The following ZNF236 variants were observed in gnomAD, a reference collection of about 807,000 sequenced individuals.
The protein encoded by ZNF236 is zinc finger protein 236, also known as regulated by glucose.
Under a neutral mutation model 191.2 loss-of-function variants are expected in ZNF236, and 50 were observed. The observed-to-expected ratio is 0.26, with a 90% CI of 0.21 to 0.33. ZNF236 has a LOEUF of 0.33. Ranked by LOEUF, ZNF236 falls within the 10% of genes least tolerant of loss-of-function variation. The probability of loss-of-function intolerance (pLI) is 1.00; values close to 1 mark genes in which losing one functional copy is unlikely to be tolerated. For missense variants in ZNF236, 1,754 were observed against 2,374.5 expected, an observed-to-expected ratio of 0.74 and a Z score of 5.43; for synonymous variants, 907 against 928.8, an observed-to-expected ratio of 0.98 and a Z score of 0.43.
chr18:76,894,296 G>A (rs1267472427), intron 9 of ZNF236, among the ~76,000 whole-genome samples: 3 of 152,168 alleles, frequency 2.0e-5, no homozygotes, highest in Admixed American at 1.3e-4. Context: ...AGGGAGACAC[G>A]GGTCATCCCT....
At chr18:76,834,589 G>A (rs778846973) in intron 1 of ZNF236, 119 of 468,612 alleles carry the variant, frequency 2.5e-4, no homozygotes, top group Non-Finnish European at 4.4e-4. Flanking sequence ...GTGCACAGTT[G>A]GGGTGAATGC....
At chr18:76,876,650 A>C (rs1346331539) in intron 6 of ZNF236, among the ~76,000 whole-genome samples, 1 of 152,252 alleles carries the variant, frequency 6.6e-6, no homozygotes, top group African/African-American at 2.4e-5. Context: ...CAGAGACATT[A>C]GGAAGGCATG....
At chr18:76,902,342 G>A (rs1425730885) in intron 11 of ZNF236, among the ~76,000 whole-genome samples, 1 of 152,204 alleles carries the variant, frequency 6.6e-6, no homozygotes, top group Non-Finnish European at 1.5e-5. Context: ...ATGGTAAGGA[G>A]AGGATTAGCA....
chr18:76,943,147 A>G (rs1052949653), intron 26 of ZNF236, among the ~76,000 whole-genome samples: 5 of 147,792 alleles, frequency 3.4e-5, no homozygotes, highest in Admixed American at 2.0e-4. Context: ...AAAAAAGAAG[A>G]GCAAATTTGA....
chr18:76,898,795 G>A (rs889004337), intron 10 of ZNF236, among the ~76,000 whole-genome samples: 1 of 152,044 alleles, frequency 6.6e-6, no homozygotes, highest in African/African-American at 2.4e-5. Context: ...AATACTAAAT[G>A]TTCTTTTTTT....
intron 27 of ZNF236, among the ~76,000 whole-genome samples, chr18:76,950,494 C>T (rs558761646): frequency 6.6e-6 from 1 of 152,004 alleles, no homozygotes; most frequent in African/African-American, 2.4e-5. Flanking sequence ...CTTATCTGCT[C>T]AGTTATATAT....
chr18:76,881,574 A>G (rs575385317), intron 9 of ZNF236, 62 bp downstream of exon 9: 9 of 1,430,574 alleles, frequency 6.3e-6, no homozygotes, highest in Non-Finnish European at 7.6e-6. Flanking sequence ...TTTTTAAGAA[A>G]TGTGCCCTTC....
In ZNF236 at chr18:76,881,192, T is replaced by A. The variant is rs1976882099; in HGVS notation, c.1189-92T>A. On this transcript the variant is annotated intron_variant, in intron 8 of 30. Coordinates refer to ENST00000320610, the MANE Select transcript of ZNF236 (RefSeq NM_001306089.2). Reference sequence around the variant, plus strand: ...TAGATTCTTATTTCTTGGAGTGGAATTAGAATTCTATAGGTAAAGCTTTTG... The same window carrying A: ...TAGATTCTTATTTCTTGGAGTGGAAATAGAATTCTATAGGTAAAGCTTTTG... The A allele has an allele frequency of 1.3e-5, 14 of 1,105,472 alleles. No homozygotes were observed. In the Admixed American group the frequency reaches 3.8e-4, roughly 30 times the overall value. 68.5% of individuals were successfully genotyped at this position (1,105,472 alleles called of 1,614,324 possible). A position where few individuals can be genotyped will look rare whatever the true frequency, so the allele number is the denominator to read the frequency against.
intron 3 of ZNF236, among the ~76,000 whole-genome samples, chr18:76,865,285 TGAGATCA>T (rs965581046): frequency 3.9e-5 from 6 of 152,024 alleles, no homozygotes; most frequent in Non-Finnish European, 7.4e-5. Flanking sequence ...TGCAGTGAGC[TGAGATCA>T]TGCCATTGCA....
Position 76,971,026 on chromosome 18 carries a change from C to T in ZNF236, c.*2687C>T, listed in dbSNP as rs760135091. Among the ~76,000 whole-genome samples, 1 of 152,226 alleles carries T rather than the reference C, an allele frequency of 6.6e-6. No homozygotes were observed. Among genetic ancestry groups the T allele is most frequent in the Non-Finnish European group, 1.5e-5 (1 of 68,038 alleles). On this transcript the variant is annotated 3_prime_UTR_variant, in exon 31 of 31. Coordinates refer to ENST00000320610, the MANE Select transcript of ZNF236 (RefSeq NM_001306089.2). ...CAACGGCACCCAGTCATTGAGGAAC[C>T]TTTTGAAAGTTCCTAAGTGTTTTGA...
At chr18:76,837,127 T>TCCCCCCCCCCCCCCCCCCCCCCC (rs57114708) in intron 1 of ZNF236, among the ~76,000 whole-genome samples, 1 of 37,066 alleles carries the variant, frequency 2.7e-5, no homozygotes, top group African/African-American at 1.1e-4. Context: ...CCGCACCCCC[T>TCCCCCCCCCCCCCCCCCCCCCCC]CCCCCCCCCC....
In ZNF236 at chr18:76,953,178, G is replaced by T. The variant is rs79581973; in HGVS notation, c.4915-2807G>T. On this transcript the variant is annotated intron_variant, in intron 27 of 30. Transcript: ENST00000320610. Reference sequence around the variant, plus strand: ...TTACTCAGCCTGTCTTTACTAAAACGAATGAACTAATTTCTGCCTGACCCT... The same window carrying T: ...TTACTCAGCCTGTCTTTACTAAAACTAATGAACTAATTTCTGCCTGACCCT... 6.6e-3 allele frequency among the ~76,000 whole-genome samples: 1,001 copies of T among 152,250 alleles called. 29 individuals are homozygous for T. Among genetic ancestry groups the T allele is most frequent in the East Asian group, 0.065 (338 of 5,182 alleles).
At chr18:76,947,312 G>A (rs1437166978) in intron 26 of ZNF236, among the ~76,000 whole-genome samples, 1 of 152,008 alleles carries the variant, frequency 6.6e-6, no homozygotes, top group African/African-American at 2.4e-5. Context: ...TCCATTTTTT[G>A]GCTATGGGTA....
chr18:76,895,756 C>T (rs920142355), intron 10 of ZNF236, among the ~76,000 whole-genome samples: 4 of 151,474 alleles, frequency 2.6e-5, no homozygotes, highest in Admixed American at 6.6e-5. Flanking sequence ...CAGGCATTGC[C>T]CAAAAGTACC....
chr18:76,832,435 G>A (rs1483897549), intron 1 of ZNF236, among the ~76,000 whole-genome samples: 1 of 151,234 alleles, frequency 6.6e-6, no homozygotes, highest in South Asian at 2.1e-4. Flanking sequence ...AAGAGGGAAA[G>A]GTCAGGATTT....
At chr18:76,942,690 T>C (rs1968160012) in intron 26 of ZNF236, among the ~76,000 whole-genome samples, 1 of 150,770 alleles carries the variant, frequency 6.6e-6, no homozygotes. Context: ...TTTTTTGTTA[T>C]TTTTTAGTAG....
At chr18:76,939,484 A>G (rs983314767) in intron 26 of ZNF236, among the ~76,000 whole-genome samples, 2 of 152,146 alleles carry the variant, frequency 1.3e-5, no homozygotes, top group Non-Finnish European at 2.9e-5. Context: ...CTCAGGGCCT[A>G]GTGAAGCCCC....
intron 25 of ZNF236, among the ~76,000 whole-genome samples, chr18:76,930,191 A>G (rs187599404): frequency 6.6e-6 from 1 of 152,200 alleles, no homozygotes; most frequent in African/African-American, 2.4e-5. Context: ...TACATTTTCT[A>G]CTTTTTAAAA....
chr18:76,863,356 C>T (rs967495621), intron 3 of ZNF236, among the ~76,000 whole-genome samples: 7 of 152,072 alleles, frequency 4.6e-5, no homozygotes, highest in Non-Finnish European at 1.0e-4. Context: ...GAATTCCAAA[C>T]AGGATAAACC....
Sources: allele counts gnomAD v4.1 joint callset (sites outside exome capture counted in the v4.1 genomes callset), GRCh38; gene constraint gnomAD v4.1.1; transcripts MANE v1.5; gene names NCBI Gene and HGNC (gene_info 2026-07-23, HGNC 2026-07-21).